Variants in ACBD6 observed in about 807,000 individuals in gnomAD.
The protein encoded by ACBD6 is acyl-CoA-binding domain-containing protein 6.
A neutral mutation model predicts 37.2 loss-of-function variants in ACBD6; 28 were observed. That is an observed-to-expected ratio of 0.75 (90% CI 0.56 to 1.03). The LOEUF (loss-of-function observed/expected upper bound fraction) is 1.03. Ranked by LOEUF, ACBD6 falls within the 50% of genes least tolerant of loss-of-function variation. ACBD6 has a pLI of 0.00. For synonymous variants in ACBD6, 113 were observed against 126.8 expected (o/e 0.89, Z 0.73); for missense variants, 340 against 337.4 (o/e 1.01, Z -0.06).
intron 7 of ACBD6, among the ~76,000 whole-genome samples, chr1:180,314,424 T>G (rs1333865567): frequency 6.6e-6 from 1 of 152,158 alleles, no homozygotes; most frequent in African/African-American, 2.4e-5. Context: ...TTTGTATTTT[T>G]AGTAGAGACA....
intron 6 of ACBD6, among the ~76,000 whole-genome samples, chr1:180,388,730 C>T (rs1653948664): frequency 6.6e-6 from 1 of 152,016 alleles, no homozygotes; most frequent in Non-Finnish European, 1.5e-5. Context: ...TGTGACCCAT[C>T]ATGCCTGGCC....
At chr1:180,392,030 T>C (rs1654096319) in intron 6 of ACBD6, among the ~76,000 whole-genome samples, 1 of 152,188 alleles carries the variant, frequency 6.6e-6, no homozygotes, top group Admixed American at 6.5e-5. Flanking sequence ...ATGTTGAACA[T>C]AATAAGCTTA....
At chr1:180,310,299 G>T (rs1050509590) in intron 7 of ACBD6, among the ~76,000 whole-genome samples, 1 of 152,152 alleles carries the variant, frequency 6.6e-6, no homozygotes, top group African/African-American at 2.4e-5. Flanking sequence ...GTTCAAGGCT[G>T]CAGTGAGCCA....
At chr1:180,429,023 A>G (rs1381155190) in intron 4 of ACBD6, among the ~76,000 whole-genome samples, 2 of 152,186 alleles carry the variant, frequency 1.3e-5, no homozygotes, top group Non-Finnish European at 2.9e-5. Flanking sequence ...CCAAGTTCTG[A>G]GTACTTTCAC....
chr1:180,350,652 C>T (rs1652373087), intron 6 of ACBD6, among the ~76,000 whole-genome samples: 1 of 152,180 alleles, frequency 6.6e-6, no homozygotes, highest in Non-Finnish European at 1.5e-5. Context: ...CGAGCTGTTT[C>T]TGCTACCTAT....
intron 3 of ACBD6, among the ~76,000 whole-genome samples, chr1:180,465,085 G>C (rs1650296307): frequency 6.6e-6 from 1 of 152,028 alleles, no homozygotes; most frequent in Non-Finnish European, 1.5e-5. Context: ...AACCCTGGAA[G>C]ACAACCTCGG....
intron 3 of ACBD6, among the ~76,000 whole-genome samples, chr1:180,483,072 T>TA (rs1485704943): frequency 2.6e-5 from 4 of 152,176 alleles, no homozygotes; most frequent in African/African-American, 9.7e-5. Context: ...CAGCAGGCTA[T>TA]ATTACCATGT....
At chr1:180,494,131 A>G (rs1323629070) in intron 2 of ACBD6, among the ~76,000 whole-genome samples, 3 of 152,146 alleles carry the variant, frequency 2.0e-5, no homozygotes, top group South Asian at 2.1e-4. Flanking sequence ...TTGCTCCCCA[A>G]TAGTTTTTCA....
chr1:180,493,264 A>AAAC (rs1651585608), intron 2 of ACBD6, among the ~76,000 whole-genome samples: 1 of 141,100 alleles, frequency 7.1e-6, no homozygotes, highest in African/African-American at 2.9e-5. Flanking sequence ...AAAAAAAAAA[A>AAAC]AAAAAAAAAA....
chr1:180,325,013 A>G (rs1160689709), intron 6 of ACBD6, among the ~76,000 whole-genome samples: 1 of 151,736 alleles, frequency 6.6e-6, no homozygotes, highest in Non-Finnish European at 1.5e-5. Flanking sequence ...TTTTTTCTTG[A>G]TGCTTTTAGG....
chr1:180,331,513 C>T (rs187882492), intron 6 of ACBD6, among the ~76,000 whole-genome samples: 65 of 152,256 alleles, frequency 4.3e-4, no homozygotes, highest in African/African-American at 1.5e-3. Flanking sequence ...CTGTCTGTTC[C>T]ACTTTGACTA....
intron 6 of ACBD6, among the ~76,000 whole-genome samples, chr1:180,359,270 C>T (rs982032379): frequency 9.9e-5 from 15 of 152,152 alleles, no homozygotes; most frequent in Admixed American, 2.6e-4. Context: ...TGAAAGCTAG[C>T]CACAAATTCA....
chr1:180,459,651 A>T (rs1650054385), intron 3 of ACBD6, among the ~76,000 whole-genome samples: 1 of 152,238 alleles, frequency 6.6e-6, no homozygotes, highest in African/African-American at 2.4e-5. Flanking sequence ...CTGGCAATCT[A>T]TGTGAAATGT....
chr1:180,446,824 C>T (rs530203706), intron 3 of ACBD6, among the ~76,000 whole-genome samples: 5 of 152,098 alleles, frequency 3.3e-5, no homozygotes, highest in African/African-American at 9.6e-5. Context: ...GCGGATTACC[C>T]GAGGTTAGGA....
At chr1:180,332,488 A>C (rs964325937) in intron 6 of ACBD6, among the ~76,000 whole-genome samples, 4 of 152,094 alleles carry the variant, frequency 2.6e-5, no homozygotes, top group African/African-American at 9.7e-5. Context: ...CTCTTGTCAG[A>C]TCAGTGGCAG....
intron 6 of ACBD6, among the ~76,000 whole-genome samples, chr1:180,358,408 C>G (rs530785793): frequency 6.6e-6 from 1 of 150,694 alleles, no homozygotes; most frequent in African/African-American, 2.4e-5. Context: ...GCCTGGGCAA[C>G]AGAGCAAGAC....
chr1:180,301,182 C>CT (rs1249946697), intron 7 of ACBD6, among the ~76,000 whole-genome samples: 1 of 152,160 alleles, frequency 6.6e-6, no homozygotes, highest in African/African-American at 2.4e-5. Context: ...TAGGTTTAGA[C>CT]TTTTTTGGTG....
intron 7 of ACBD6, among the ~76,000 whole-genome samples, chr1:180,309,795 T>G (rs951903772): frequency 6.6e-6 from 1 of 152,224 alleles, no homozygotes. Context: ...TCTCCGGTTA[T>G]TTGACTTAAG....
intron 1 of ACBD6, among the ~76,000 whole-genome samples, chr1:180,497,898 CTTT>C (rs374204612): frequency 2.0e-3 from 300 of 152,254 alleles, no homozygotes; most frequent in Non-Finnish European, 3.6e-3. Flanking sequence ...AGATATTCTT[CTTT>C]GATACTATGC....
Sources: gnomAD v4.1 joint callset for allele counts (sites outside exome capture counted in the v4.1 genomes callset) on GRCh38, gnomAD v4.1.1 for gene constraint, MANE v1.5 for transcripts, NCBI Gene and HGNC (gene_info 2026-07-23, HGNC 2026-07-21) for gene names.